FRK: variants seen among roughly 807,000 people sequenced by gnomAD.
FRK encodes tyrosine-protein kinase FRK.
In FRK, 51 loss-of-function variants were observed where a neutral mutation model predicts 56.4. That is an observed-to-expected ratio of 0.90 (90% CI 0.72 to 1.14). The LOEUF (loss-of-function observed/expected upper bound fraction) is 1.14. Ranked by LOEUF, FRK falls within the 50% of genes most tolerant of loss-of-function variation. FRK has a pLI of 0.00. For synonymous variants in FRK, 245 were observed against 217.9 expected, an observed-to-expected ratio of 1.12 and a Z score of -1.10; for missense variants, 570 against 601.4, an observed-to-expected ratio of 0.95 and a Z score of 0.55.
intron 5 of FRK, among the ~76,000 whole-genome samples, chr6:115,948,023 C>T (rs1772537359): frequency 6.6e-6 from 1 of 152,142 alleles, no homozygotes; most frequent in Non-Finnish European, 1.5e-5. Context: ...GACCTAGTGA[C>T]TCATGTTTAA....
At chr6:116,092,679 G>GTT in the FRK span, among the ~76,000 whole-genome samples, 1 of 152,192 alleles carries the variant, frequency 6.6e-6, no homozygotes, top group African/African-American at 2.4e-5. Context: ...TCCAGGGACC[G>GTT]TTGTGGGTTC....
intron 2 of FRK, among the ~76,000 whole-genome samples, chr6:116,003,159 A>G (rs1274827998): frequency 1.3e-5 from 2 of 152,218 alleles, no homozygotes; most frequent in Non-Finnish European, 2.9e-5. Flanking sequence ...GATAACACAA[A>G]TGACAGACCT....
rs759364955 is a variant in FRK at position 115,967,690 on chromosome 6, C to T, written c.660G>A (p.Ser220=). The change falls in exon 4 of 8, where the codon TCG becomes TCA. Residue 220 remains serine, a synonymous_variant. Transcript: ENST00000606080. ...TCTCCCATTGGTCCACGGTTTTATA[C>T]GACAAATCAAATGGAGCTGGGACCT... ...KIQVPAPFDL[S]YKTVDQWEID... 1.4e-5 allele frequency: 23 copies of T among 1,607,082 alleles called. No individual in the cohort carries two copies. Among genetic ancestry groups the T allele is most frequent in the South Asian group, 6.6e-5 (6 of 90,498 alleles).
chr6:115,941,801 GAA>G lies in FRK; in HGVS notation c.*611_*612del, dbSNP rs1404412483. The G allele has an allele frequency of 1.3e-5, 2 of 152,472 alleles. No homozygotes were observed. The highest frequency in any genetic ancestry group is 3.8e-4 in the East Asian group (2 of 5,198). The allele number at this position is 152,472 out of a possible 1,614,324, so 9.4% of individuals were successfully genotyped here. A position where few individuals can be genotyped will look rare whatever the true frequency, so the allele number is the denominator to read the frequency against. The stretch of plus-strand genomic sequence containing the variant: ...ATTCCATCATTTCCTTCTGCAAAAT[GAA>G]AAAGACTTCGTTTTCTCAACAGCTG... On this transcript the variant is annotated 3_prime_UTR_variant, in exon 8 of 8. Coordinates refer to ENST00000606080, the MANE Select transcript of FRK (RefSeq NM_002031.3).
chr6:115,984,022 T>C (rs1246000021), intron 2 of FRK, among the ~76,000 whole-genome samples: 4 of 152,142 alleles, frequency 2.6e-5, no homozygotes. Flanking sequence ...ACTGTTAAGG[T>C]AGAATATCAT....
the FRK span, among the ~76,000 whole-genome samples, chr6:116,090,979 A>C: frequency 6.6e-6 from 1 of 152,188 alleles, no homozygotes; most frequent in Non-Finnish European, 1.5e-5. Context: ...ACCATTTGAG[A>C]TTTTTTTAAA....
chr6:116,061,663 C>T (rs1777627718), upstream of FRK, among the ~76,000 whole-genome samples: 1 of 152,170 alleles, frequency 6.6e-6, no homozygotes, highest in South Asian at 2.1e-4. Flanking sequence ...AGCTGTCTCA[C>T]AAATATGTGC....
At chr6:116,063,014 G>A (rs903893581), upstream of FRK, among the ~76,000 whole-genome samples, 2 of 152,044 alleles carry the variant, frequency 1.3e-5, no homozygotes, top group African/African-American at 4.8e-5. Flanking sequence ...CCCATCTCTG[G>A]CTCATCTTGC....
At chr6:115,966,852 C>G (rs1562261735) in intron 4 of FRK, among the ~76,000 whole-genome samples, 3 of 152,160 alleles carry the variant, frequency 2.0e-5, no homozygotes, top group Admixed American at 2.0e-4. Context: ...AGGCACTATA[C>G]AAAGCATGTC....
chr6:115,979,649 C>T (rs958778234), intron 2 of FRK, among the ~76,000 whole-genome samples: 1 of 152,156 alleles, frequency 6.6e-6, no homozygotes, highest in Non-Finnish European at 1.5e-5. Flanking sequence ...CAGGGTCCTG[C>T]AACTTGAGTC....
chr6:116,030,734 C>G (rs1296728310), intron 1 of FRK, among the ~76,000 whole-genome samples: 1 of 152,282 alleles, frequency 6.6e-6, no homozygotes, highest in South Asian at 2.1e-4. Flanking sequence ...GTATCCTTTA[C>G]AATATCCTTT....
intron 1 of FRK, among the ~76,000 whole-genome samples, chr6:116,051,943 G>A (rs1446466501): frequency 6.6e-6 from 1 of 152,076 alleles, no homozygotes; most frequent in Admixed American, 6.6e-5. Flanking sequence ...TGTATATTGA[G>A]CATAAAAACT....
At chr6:116,086,399 T>G in the FRK span, among the ~76,000 whole-genome samples, 1 of 152,224 alleles carries the variant, frequency 6.6e-6, no homozygotes, top group Non-Finnish European at 1.5e-5. Flanking sequence ...TTCTATGTGA[T>G]GTACTATTTA....
At chr6:116,045,667 G>A (rs1740330806) in intron 1 of FRK, among the ~76,000 whole-genome samples, 1 of 152,080 alleles carries the variant, frequency 6.6e-6, no homozygotes, top group Admixed American at 6.6e-5. Context: ...TCAGGACATA[G>A]GCATGGGCAA....
chr6:115,954,169 C>T (rs184854556), intron 5 of FRK, among the ~76,000 whole-genome samples: 45 of 152,178 alleles, frequency 3.0e-4, no homozygotes, highest in Middle Eastern at 3.4e-3. Flanking sequence ...GAGGAAATAA[C>T]GAGTGAGGCA....
Position 115,936,304 on chromosome 6 carries a change from G to C in FRK, c.*6110C>G, listed in dbSNP as rs886318767. On this transcript the variant is annotated 3_prime_UTR_variant, in exon 8 of 8. Transcript: ENST00000606080. ...CAGAAAGGAATAGTATGTCCACTCAGAGACCCCATCCGAACATCAGCAGGA... is the reference window on the plus strand; with the variant it reads ...CAGAAAGGAATAGTATGTCCACTCACAGACCCCATCCGAACATCAGCAGGA... 1 of 151,922 alleles carries C rather than the reference G, an allele frequency of 6.6e-6. No individual in the cohort carries two copies. The highest frequency in any genetic ancestry group is 1.5e-5 in the Non-Finnish European group (1 of 67,882). 9.4% of individuals were successfully genotyped at this position (151,922 alleles called of 1,614,324 possible).
At chr6:116,055,661 C>A (rs927187243) in intron 1 of FRK, among the ~76,000 whole-genome samples, 1 of 152,128 alleles carries the variant, frequency 6.6e-6, no homozygotes, top group African/African-American at 2.4e-5. Flanking sequence ...TAACATAAAG[C>A]CAAATTATAT....
intron 1 of FRK, among the ~76,000 whole-genome samples, chr6:116,047,429 G>A (rs1777007086): frequency 6.9e-6 from 1 of 145,554 alleles, no homozygotes; most frequent in Non-Finnish European, 1.5e-5. Flanking sequence ...ATGGAGTCTT[G>A]CTCTGTTGCC....
intron 2 of FRK, among the ~76,000 whole-genome samples, chr6:115,970,131 ATTT>A (rs557321401): frequency 6.8e-6 from 1 of 146,828 alleles, no homozygotes; most frequent in African/African-American, 2.5e-5. Context: ...ATAGCTAGGA[ATTT>A]TTTTTTTTTT....
Sources: gnomAD v4.1 joint callset for allele counts (sites outside exome capture counted in the v4.1 genomes callset) on GRCh38, gnomAD v4.1.1 for gene constraint, MANE v1.5 for transcripts, NCBI Gene and HGNC (gene_info 2026-07-23, HGNC 2026-07-21) for gene names.